COL25A1: variants seen among roughly 807,000 people sequenced by gnomAD.
The protein encoded by COL25A1 is collagen type XXV alpha 1 chain, also known as collagen alpha-1(XXV) chain.
Under a neutral mutation model 128.4 loss-of-function variants are expected in COL25A1, and 103 were observed. The observed-to-expected ratio is 0.80, with a 90% CI of 0.68 to 0.94. COL25A1 has a LOEUF of 0.94. Ranked by LOEUF, COL25A1 falls within the 40% of genes least tolerant of loss-of-function variation. The pLI is 0.00. For missense variants in COL25A1, 745 were observed against 840.0 expected (o/e 0.89, Z 1.40); for synonymous variants, 279 against 277.2 (o/e 1.01, Z -0.06).
intron 3 of COL25A1, among the ~76,000 whole-genome samples, chr4:109,284,914 A>T (rs891005227): frequency 7.9e-5 from 12 of 151,818 alleles, no homozygotes; most frequent in African/African-American, 2.7e-4. Flanking sequence ...AAAAAACTTC[A>T]GGATTTTCAT....
At chr4:109,197,430 AATATTAT>A (rs1236144951) in intron 3 of COL25A1, among the ~76,000 whole-genome samples, 3 of 125,008 alleles carry the variant, frequency 2.4e-5, no homozygotes, top group Non-Finnish European at 4.8e-5. Context: ...ATTATATATA[AATATTAT>A]ATATTATATA....
intron 3 of COL25A1, among the ~76,000 whole-genome samples, chr4:109,215,972 G>A (rs754449596): frequency 5.9e-5 from 9 of 152,078 alleles, no homozygotes; most frequent in Non-Finnish European, 1.2e-4. Flanking sequence ...GGTATGTGTA[G>A]CAGGGCAGCT....
At chr4:109,060,412 C>T (rs1309836250) in intron 3 of COL25A1, among the ~76,000 whole-genome samples, 1 of 152,142 alleles carries the variant, frequency 6.6e-6, no homozygotes, top group East Asian at 1.9e-4. Flanking sequence ...TCATTGCCCT[C>T]TTGCTATGTC....
intron 3 of COL25A1, among the ~76,000 whole-genome samples, chr4:109,136,270 G>T (rs190130545): frequency 6.6e-6 from 1 of 152,074 alleles, no homozygotes; most frequent in Admixed American, 6.5e-5. Flanking sequence ...GTGGTGGCAC[G>T]TGCCTGTAGT....
intron 3 of COL25A1, among the ~76,000 whole-genome samples, chr4:109,176,424 A>C (rs1774102730): frequency 6.6e-6 from 1 of 152,170 alleles, no homozygotes; most frequent in South Asian, 2.1e-4. Context: ...GACTTGGCTT[A>C]AAAGAGTGGA....
rs186956282 is a variant in COL25A1, at chr4:109,184,361, T to C, written c.367+116222A>G. Among the ~76,000 whole-genome samples, 567 of 152,278 alleles carry C rather than the reference T, an allele frequency of 3.7e-3. 1 individual carries two copies. Among genetic ancestry groups the C allele is most frequent in the Non-Finnish European group, 6.6e-3 (448 of 68,018 alleles). ...TAATATCTTCCTTGGAAACATTCTT[T>C]CTAACATTTATCTCTTCATCATTTC... On this transcript the variant is annotated intron_variant, in intron 3 of 37. Coordinates refer to ENST00000399132, the MANE Select transcript of COL25A1 (RefSeq NM_198721.4).
chr4:109,190,021 A>G (rs181481349), intron 3 of COL25A1, among the ~76,000 whole-genome samples: 252 of 152,298 alleles, frequency 1.7e-3, no homozygotes, highest in African/African-American at 5.9e-3. Context: ...ATAAATGAGG[A>G]GAAGCAATAA....
intron 32 of COL25A1, among the ~76,000 whole-genome samples, chr4:108,829,626 T>C (rs1426732531): frequency 6.6e-6 from 1 of 151,780 alleles, no homozygotes; most frequent in Non-Finnish European, 1.5e-5. Flanking sequence ...CCCTTCTCAC[T>C]TGAGAATCTT....
At chr4:108,906,794 C>T (rs1222959425) in intron 13 of COL25A1, among the ~76,000 whole-genome samples, 1 of 152,168 alleles carries the variant, frequency 6.6e-6, no homozygotes, top group African/African-American at 2.4e-5. Flanking sequence ...CTATTTTGCT[C>T]ATTACTCTTT....
chr4:108,886,593 T>C (rs1740856686), intron 18 of COL25A1, among the ~76,000 whole-genome samples: 1 of 151,956 alleles, frequency 6.6e-6, no homozygotes, highest in African/African-American at 2.4e-5. Flanking sequence ...AAGTGATAGC[T>C]TTTCAGTTAA....
intron 11 of COL25A1, 129 bp from the exon 12 acceptor site, chr4:108,920,733 G>GAA (rs5860955): frequency 9.9e-3 from 4,151 of 420,420 alleles, no homozygotes; most frequent in East Asian, 0.016. Context: ...CATATATCAG[G>GAA]AAAAAAAAAG....
chr4:109,087,287 G>T (rs553269354), intron 3 of COL25A1, among the ~76,000 whole-genome samples: 1 of 151,842 alleles, frequency 6.6e-6, no homozygotes, highest in South Asian at 2.1e-4. Flanking sequence ...GAGGGAAGCA[G>T]CACGTACAAG....
At chr4:108,993,626 GA>G (rs1248187347) in intron 6 of COL25A1, among the ~76,000 whole-genome samples, 1 of 152,160 alleles carries the variant, frequency 6.6e-6, no homozygotes, top group East Asian at 1.9e-4. Flanking sequence ...TTGGGAGGCT[GA>G]GGAGGGTGGA....
intron 8 of COL25A1, among the ~76,000 whole-genome samples, chr4:108,944,918 T>C (rs1403338100): frequency 1.3e-5 from 2 of 152,192 alleles, no homozygotes; most frequent in African/African-American, 2.4e-5. Context: ...ATCATTAGCA[T>C]GCTAGGCAAG....
chr4:108,903,016 CATT>C (rs1391426807), intron 13 of COL25A1, among the ~76,000 whole-genome samples: 1 of 151,726 alleles, frequency 6.6e-6, no homozygotes, highest in Non-Finnish European at 1.5e-5. Flanking sequence ...ACAATACAAA[CATT>C]GTTTAGACTT....
intron 3 of COL25A1, among the ~76,000 whole-genome samples, chr4:109,254,509 A>ATATATATATATATATATATATATG (rs59126671): frequency 9.6e-6 from 1 of 104,542 alleles, no homozygotes; most frequent in African/African-American, 3.7e-5. Flanking sequence ...ATATATATGT[A>ATATATATATATATATATATATATG]TGTGTGTATA....
rs140683494 is a variant in COL25A1 at position 108,945,726 on chromosome 4, C to T, written c.493-4289G>A. Among the ~76,000 whole-genome samples the T allele has an allele frequency of 3.3e-3, 498 of 152,214 alleles. 7 individuals are homozygous for T. The highest frequency in any genetic ancestry group is 0.028 in the East Asian group (144 of 5,168). ...TCACCCAGGCTGGAGTGTAGTGGCG[C>T]GATCTCGGCTCACTGCAACCTCTGC... On this transcript the variant is annotated intron_variant, in intron 8 of 37. Coordinates refer to ENST00000399132, the MANE Select transcript of COL25A1 (RefSeq NM_198721.4).
At chr4:109,094,070 A>C (rs550606709) in intron 3 of COL25A1, among the ~76,000 whole-genome samples, 1 of 152,242 alleles carries the variant, frequency 6.6e-6, no homozygotes, top group Non-Finnish European at 1.5e-5. Flanking sequence ...TACTGAATGA[A>C]GGAAACAATA....
chr4:109,024,774 G>A (rs953684903), intron 5 of COL25A1, among the ~76,000 whole-genome samples: 15 of 103,114 alleles, frequency 1.5e-4, no homozygotes, highest in African/African-American at 9.1e-4. Flanking sequence ...TTGAATTCGA[G>A]TTTCTTTCTT....
Sources: allele counts gnomAD v4.1 joint callset (sites outside exome capture counted in the v4.1 genomes callset), GRCh38; gene constraint gnomAD v4.1.1; transcripts MANE v1.5; gene names NCBI Gene and HGNC (gene_info 2026-07-23, HGNC 2026-07-21).